Variants in GRIK2 observed in about 807,000 individuals in gnomAD.
GRIK2 encodes the protein glutamate ionotropic receptor kainate type subunit 2.
GRIK2 carries 32 observed loss-of-function variants against 100.3 expected under a neutral mutation model. That is an observed-to-expected ratio of 0.32 (90% CI 0.24 to 0.43). The LOEUF is 0.43. GRIK2 is among the 20% of genes least tolerant of loss of function. The pLI is 1.00. For missense variants in GRIK2, 843 were observed against 1,114.9 expected, an observed-to-expected ratio of 0.76 and a Z score of 3.47; for synonymous variants, 417 against 389.4, an observed-to-expected ratio of 1.07 and a Z score of -0.83.
intron 7 of GRIK2, among the ~76,000 whole-genome samples, chr6:101,764,064 A>G (rs950392491): frequency 2.5e-4 from 38 of 152,160 alleles, no homozygotes; most frequent in African/African-American, 9.2e-4. Flanking sequence ...CCCTGACACC[A>G]GTATCTCCTG....
At chr6:101,693,299 T>TC (rs1046197358) in intron 7 of GRIK2, among the ~76,000 whole-genome samples, 3 of 152,060 alleles carry the variant, frequency 2.0e-5, no homozygotes, top group African/African-American at 7.2e-5. Flanking sequence ...AGAGATTTTT[T>TC]CCCCTTCACC....
intron 2 of GRIK2, among the ~76,000 whole-genome samples, chr6:101,403,468 C>G (rs1398329462): frequency 2.6e-5 from 4 of 152,216 alleles, no homozygotes; most frequent in Non-Finnish European, 4.4e-5. Flanking sequence ...ATCACACAGT[C>G]ACCTCCTTGC....
At chr6:101,441,976 A>AG (rs35651392) in intron 2 of GRIK2, among the ~76,000 whole-genome samples, 130 of 147,446 alleles carry the variant, frequency 8.8e-4, no homozygotes, top group Middle Eastern at 3.5e-3. Context: ...AAAAAAAAAA[A>AG]GGGGTGAACA....
At chr6:102,056,588 A>T (rs1227781529) in intron 16 of GRIK2, among the ~76,000 whole-genome samples, 1 of 151,992 alleles carries the variant, frequency 6.6e-6, no homozygotes, top group African/African-American at 2.4e-5. Flanking sequence ...GAGGTTTATG[A>T]ACTTTAGTTG....
intron 10 of GRIK2, among the ~76,000 whole-genome samples, chr6:101,849,279 T>C (rs1267557172): frequency 6.6e-6 from 1 of 151,880 alleles, no homozygotes; most frequent in Non-Finnish European, 1.5e-5. Context: ...GGGCAGAGGG[T>C]TATCCTTTGT....
At chr6:102,061,605 A>G (rs1017668520) in intron 16 of GRIK2, among the ~76,000 whole-genome samples, 11 of 150,616 alleles carry the variant, frequency 7.3e-5, no homozygotes, top group Non-Finnish European at 1.6e-4. Context: ...ATGGAATTAA[A>G]AAGACTTGGA....
intron 2 of GRIK2, among the ~76,000 whole-genome samples, chr6:101,460,584 T>C (rs1771254333): frequency 6.6e-6 from 1 of 152,232 alleles, no homozygotes; most frequent in Non-Finnish European, 1.5e-5. Flanking sequence ...GTAAGAGTGA[T>C]ACAGCACATT....
At chr6:101,782,950 G>A (rs780086316) in intron 7 of GRIK2, among the ~76,000 whole-genome samples, 19 of 149,166 alleles carry the variant, frequency 1.3e-4, no homozygotes, top group Admixed American at 4.7e-4. Flanking sequence ...TCCGCCTCCC[G>A]GGTTCACACC....
At chr6:101,698,134 C>T (rs901248063) in intron 7 of GRIK2, among the ~76,000 whole-genome samples, 6 of 150,690 alleles carry the variant, frequency 4.0e-5, no homozygotes, top group Non-Finnish European at 7.4e-5. Context: ...AATGAATGAA[C>T]ATGACATAGC....
At chr6:102,011,577 CTTTTT>C (rs763369559) in intron 14 of GRIK2, among the ~76,000 whole-genome samples, 767 of 76,568 alleles carry the variant, frequency 0.01, 2 homozygotes, top group African/African-American at 0.024. Flanking sequence ...CTTTCTTTTC[CTTTTT>C]TTTTTTTTTT....
chr6:101,683,300 C>T (rs1355459885), intron 6 of GRIK2, among the ~76,000 whole-genome samples: 1 of 152,086 alleles, frequency 6.6e-6, no homozygotes, highest in Non-Finnish European at 1.5e-5. Flanking sequence ...TGAAGCTGTC[C>T]TTTCAGTAGA....
chr6:101,922,824 A>C (rs1215485931), intron 12 of GRIK2, among the ~76,000 whole-genome samples: 2 of 152,166 alleles, frequency 1.3e-5, no homozygotes, highest in Non-Finnish European at 2.9e-5. Flanking sequence ...AAGCGGTAAT[A>C]TTTTTTAAAG....
chr6:101,687,440 A>G (rs1045598967), intron 7 of GRIK2, among the ~76,000 whole-genome samples: 1 of 151,980 alleles, frequency 6.6e-6, no homozygotes, highest in Non-Finnish European at 1.5e-5. Flanking sequence ...AAACAAAAAC[A>G]TCCTCTATCC....
chr6:101,427,210 G>A (rs1194587936), intron 2 of GRIK2, among the ~76,000 whole-genome samples: 2 of 152,212 alleles, frequency 1.3e-5, no homozygotes, highest in Non-Finnish European at 2.9e-5. Context: ...CTAAATGTCA[G>A]CATTGGCCAG....
chr6:101,707,453 T>G lies in GRIK2; in HGVS notation c.951+21100T>G, dbSNP rs7771050. Among the ~76,000 whole-genome samples, 669 of 146,744 alleles carry G rather than the reference T, an allele frequency of 4.6e-3. 10 individuals are homozygous for G. Among genetic ancestry groups the G allele is most frequent in the African/African-American group, 0.016 (639 of 40,364 alleles). On this transcript the variant is annotated intron_variant, in intron 7 of 16. Coordinates refer to ENST00000369134, the MANE Select transcript of GRIK2 (RefSeq NM_021956.5). ...TCTTTTATATACATTATCACAATTC[T>G]TTTATATATATTATATATAATATAT...
intron 11 of GRIK2, among the ~76,000 whole-genome samples, chr6:101,864,116 C>A (rs1784906663): frequency 6.8e-6 from 1 of 147,794 alleles, no homozygotes; most frequent in African/African-American, 2.5e-5. Context: ...CGCAGTCCGG[C>A]CTGGGCGACA....
At chr6:101,693,603 A>G (rs985200927) in intron 7 of GRIK2, among the ~76,000 whole-genome samples, 8 of 152,100 alleles carry the variant, frequency 5.3e-5, no homozygotes, top group African/African-American at 1.9e-4. Context: ...ACGTGGACTT[A>G]TTAGCCTCTT....
At chr6:101,444,040 G>A (rs1024433773) in intron 2 of GRIK2, among the ~76,000 whole-genome samples, 12 of 151,260 alleles carry the variant, frequency 7.9e-5, no homozygotes, top group South Asian at 2.1e-4. Flanking sequence ...ATGCACTACC[G>A]TGCCCAGCCC....
At chr6:101,545,426 A>T (rs1010647310) in intron 2 of GRIK2, among the ~76,000 whole-genome samples, 13 of 152,072 alleles carry the variant, frequency 8.5e-5, no homozygotes, top group African/African-American at 2.9e-4. Context: ...TTAAGAGAAA[A>T]TTTTTTGGGA....
Sources: gnomAD v4.1 joint callset for allele counts (sites outside exome capture counted in the v4.1 genomes callset) on GRCh38, gnomAD v4.1.1 for gene constraint, MANE v1.5 for transcripts, NCBI Gene and HGNC (gene_info 2026-07-23, HGNC 2026-07-21) for gene names.